CPSF2: variants seen among roughly 807,000 people sequenced by gnomAD.
The protein encoded by CPSF2 is cleavage and polyadenylation specific factor 2.
A neutral mutation model predicts 84.2 loss-of-function variants in CPSF2; 51 were observed. The ratio of observed to expected loss-of-function variants is 0.61; its 90% CI spans 0.48 to 0.77. The LOEUF is 0.77. Ranked by LOEUF, CPSF2 falls within the 30% of genes least tolerant of loss-of-function variation. The pLI is 0.00. For synonymous variants in CPSF2, 286 were observed against 311.9 expected (o/e 0.92, Z 0.87); for missense variants, 641 against 929.4 (o/e 0.69, Z 4.03).
intron 1 of CPSF2, among the ~76,000 whole-genome samples, chr14:92,122,536 C>G (rs1317044332): frequency 1.3e-5 from 2 of 152,252 alleles, no homozygotes; most frequent in African/African-American, 4.8e-5. Flanking sequence ...CACGAGGTTG[C>G]TAAGCTCTGG....
Position 92,161,099 on chromosome 14 carries a change from G to C in CPSF2, c.2122-13G>C, listed in dbSNP as rs2069365495. ...TACTTGAAGTTATTCTTTCCCCTTTGACCTTATCTAAGGTTCCTGGACATC... is the reference window on the plus strand; with the variant it reads ...TACTTGAAGTTATTCTTTCCCCTTTCACCTTATCTAAGGTTCCTGGACATC... On this transcript the variant is annotated splice_polypyrimidine_tract_variant and intron_variant, in intron 14 of 15. Transcript: ENST00000298875. 1 of 1,612,492 alleles carries C rather than the reference G, an allele frequency of 6.2e-7. No homozygotes were observed. Among genetic ancestry groups the C allele is most frequent in the African/African-American group, 1.3e-5 (1 of 74,916 alleles).
Position 92,165,472 on chromosome 14 carries a change from T to C in CPSF2, c.*3728T>C, listed in dbSNP as rs773510753. Reference sequence around the variant, plus strand: ...CCTTTTTAAATTTTAGTCATCATAGTGTGGGTGAAGAAGTGTCTCACTGAG... The same window carrying C: ...CCTTTTTAAATTTTAGTCATCATAGCGTGGGTGAAGAAGTGTCTCACTGAG... On this transcript the variant is annotated 3_prime_UTR_variant, in exon 16 of 16. Coordinates refer to ENST00000298875, the MANE Select transcript of CPSF2 (RefSeq NM_017437.3). 1 of 152,162 alleles carries C rather than the reference T, an allele frequency of 6.6e-6. No homozygotes were observed. Among genetic ancestry groups the C allele is most frequent in the Non-Finnish European group, 1.5e-5 (1 of 68,040 alleles). 9.4% of individuals were successfully genotyped at this position (152,162 alleles called of 1,614,324 possible).
At chr14:92,154,075 A>G in intron 9 of CPSF2, 1 of 196,596 alleles carries the variant, frequency 5.1e-6, no homozygotes, top group Non-Finnish European at 1.0e-5. Flanking sequence ...GGCCTCAAGC[A>G]GTCCTCCCAC....
rs149558858 is a variant in CPSF2, at chr14:92,128,954, A to T, written c.-34-1997A>T. Among the ~76,000 whole-genome samples the T allele has an allele frequency of 3.1e-4, 47 of 152,310 alleles. No individual in the cohort carries two copies. The East Asian group carries it at 8.7e-3, about 28-fold the overall frequency. On this transcript the variant is annotated intron_variant, in intron 2 of 15. Transcript: ENST00000298875. ...TGAGAGGAACAACGGGTCATGTAAA[A>T]GTCCTCAGTGAATGAGGCCAGGTGA... is the stretch of plus-strand genomic sequence containing the variant.
rs1310202456 is a variant in CPSF2 at position 92,134,483 on chromosome 14, G to C, written c.415+128G>C. The C allele has an allele frequency of 1.1e-5, 7 of 633,628 alleles. No homozygotes were observed. The African/African-American group carries it at 1.3e-4, about 12-fold the overall frequency. The allele number at this position is 633,628 out of a possible 1,614,324, so 39.3% of individuals were successfully genotyped here. On this transcript the variant is annotated intron_variant, in intron 5 of 15. Transcript: ENST00000298875. Reference sequence around the variant, plus strand: ...AAGAATAAAAAAGTTAGCACATTCTGCCTTGATACAGAACTCTTAACTTCC... The same window carrying C: ...AAGAATAAAAAAGTTAGCACATTCTCCCTTGATACAGAACTCTTAACTTCC...
intron 9 of CPSF2, among the ~76,000 whole-genome samples, chr14:92,150,672 C>G (rs1384369244): frequency 6.6e-6 from 1 of 152,138 alleles, no homozygotes; most frequent in Non-Finnish European, 1.5e-5. Flanking sequence ...AATCCTCTCA[C>G]CTCCGACTCC....
intron 9 of CPSF2, among the ~76,000 whole-genome samples, chr14:92,147,679 A>G (rs1252304888): frequency 6.6e-6 from 1 of 152,188 alleles, no homozygotes; most frequent in African/African-American, 2.4e-5. Flanking sequence ...TATTAGGCAA[A>G]TGTGAGATGC....
At chr14:92,127,297 G>A (rs1225623267) in intron 2 of CPSF2, among the ~76,000 whole-genome samples, 1 of 152,204 alleles carries the variant, frequency 6.6e-6, no homozygotes, top group East Asian at 1.9e-4. Flanking sequence ...GACTACCTCT[G>A]AGAATGACTC....
intron 14 of CPSF2, among the ~76,000 whole-genome samples, chr14:92,160,285 T>A (rs890265031): frequency 6.6e-6 from 1 of 152,230 alleles, no homozygotes; most frequent in Admixed American, 6.5e-5. Context: ...TCCATTTTTT[T>A]ATGTTATTCA....
rs2069481155 is a variant in CPSF2, at chr14:92,168,590, A to G, written c.*6846A>G. 1 of 152,052 alleles carries G rather than the reference A, an allele frequency of 6.6e-6. No individual in the cohort carries two copies. Among genetic ancestry groups the G allele is most frequent in the Admixed American group, 6.6e-5 (1 of 15,266 alleles). 9.4% of individuals were successfully genotyped at this position (152,052 alleles called of 1,614,324 possible). A position where few individuals can be genotyped will look rare whatever the true frequency, so the allele number is the denominator to read the frequency against. ...AATGGGATTCCAAAGAGCAAAATAG[A>G]AGTTTGGAGAGTTTGAAATCTCTCC... On this transcript the variant is annotated 3_prime_UTR_variant, in exon 16 of 16. Coordinates refer to ENST00000298875, the MANE Select transcript of CPSF2 (RefSeq NM_017437.3).
intron 2 of CPSF2, among the ~76,000 whole-genome samples, chr14:92,128,127 C>T (rs1044350398): frequency 6.6e-6 from 1 of 151,926 alleles, no homozygotes; most frequent in Non-Finnish European, 1.5e-5. Flanking sequence ...CCCAGCTACT[C>T]GGGAGGCTGA....
At position 92,168,300 on chromosome 14, in the gene CPSF2, A is replaced by G. The variant is rs1253123518; in HGVS notation, c.*6556A>G. ...GGAGCGGCTAGAGAAGGAACATTCAAATCTTCCCACGTGGGCAAGTTCCAA... is the reference window on the plus strand; with the variant it reads ...GGAGCGGCTAGAGAAGGAACATTCAGATCTTCCCACGTGGGCAAGTTCCAA... On this transcript the variant is annotated 3_prime_UTR_variant, in exon 16 of 16. Coordinates refer to ENST00000298875, the MANE Select transcript of CPSF2 (RefSeq NM_017437.3). 1 of 151,482 alleles carries G rather than the reference A, an allele frequency of 6.6e-6. No homozygotes were observed. Among genetic ancestry groups the G allele is most frequent in the Non-Finnish European group, 1.5e-5 (1 of 67,910 alleles). 9.4% of individuals were successfully genotyped at this position (151,482 alleles called of 1,614,324 possible). A position where few individuals can be genotyped will look rare whatever the true frequency, so the allele number is the denominator to read the frequency against.
At chr14:92,158,751 C>A (rs2069325926) in intron 13 of CPSF2, among the ~76,000 whole-genome samples, 1 of 152,092 alleles carries the variant, frequency 6.6e-6, no homozygotes, top group South Asian at 2.1e-4. Flanking sequence ...TTTTAATTGC[C>A]ATGTGATTCC....
In CPSF2 at chr14:92,157,843, C is replaced by T; in HGVS notation, c.1780C>T (p.His594Tyr). The change falls in exon 13 of 16, where the codon CAT (histidine) becomes TAT (tyrosine). Residue 594 changes from histidine to tyrosine, a missense_variant. Coordinates refer to ENST00000298875, the MANE Select transcript of CPSF2 (RefSeq NM_017437.3). This position sits in a 1 kb window ranked among gnomAD's most constrained non-coding sequence, Gnocchi z 4.0. ...TATTAAAGTGTACATGCCAAAGCTACATGAAACAGTTGATGCCACTAGTGA... is the reference window on the plus strand; with the variant it reads ...TATTAAAGTGTACATGCCAAAGCTATATGAAACAGTTGATGCCACTAGTGA... Reference protein sequence around the residue: ...KDIKVYMPKLHETVDATSETH... With the variant: ...KDIKVYMPKLYETVDATSETH... The T allele has an allele frequency of 2.5e-6, 4 of 1,614,112 alleles. No individual in the cohort carries two copies. Among genetic ancestry groups the T allele is most frequent in the Non-Finnish European group, 3.4e-6 (4 of 1,179,976 alleles).
rs1046367146 is a variant in CPSF2 at position 92,164,702 on chromosome 14, T to C, written c.*2958T>C. 2 of 152,252 alleles carry C rather than the reference T, an allele frequency of 1.3e-5. No individual in the cohort carries two copies. The highest frequency in any genetic ancestry group is 2.9e-5 in the Non-Finnish European group (2 of 68,044). 9.4% of individuals were successfully genotyped at this position (152,252 alleles called of 1,614,324 possible). A position where few individuals can be genotyped will look rare whatever the true frequency, so the allele number is the denominator to read the frequency against. On this transcript the variant is annotated 3_prime_UTR_variant, in exon 16 of 16. Coordinates refer to ENST00000298875, the MANE Select transcript of CPSF2 (RefSeq NM_017437.3). ...AAACATTTCTATATTTTTAGAAATA[T>C]CTTGGGTGGCCTGAAACAGAAGTGA...
At position 92,142,989 on chromosome 14, in the gene CPSF2, T is replaced by TCC; in HGVS notation, c.850-15_850-14insCC. The stretch of plus-strand genomic sequence containing the variant: ...ATAGTATTTCTAATTCTTGTCATCT[T>TCC]TCCCCCCATGTTAGGTAGAATGGAT... On this transcript the variant is annotated splice_polypyrimidine_tract_variant and intron_variant, in intron 8 of 15. Coordinates refer to ENST00000298875, the MANE Select transcript of CPSF2 (RefSeq NM_017437.3). 1 of 1,578,594 alleles carries TCC rather than the reference T, an allele frequency of 6.3e-7. No individual in the cohort carries two copies. The highest frequency in any genetic ancestry group is 1.1e-5 in the South Asian group (1 of 87,540).
intron 6 of CPSF2, among the ~76,000 whole-genome samples, chr14:92,137,319 C>A (rs187111274): frequency 1.2e-3 from 177 of 152,222 alleles, no homozygotes; most frequent in African/African-American, 4.1e-3. Context: ...AAGCAATCTT[C>A]CCATTTTAGC....
rs2141487240 is a variant in CPSF2 at position 92,163,226 on chromosome 14, T to A, written c.*1482T>A. 1 of 152,280 alleles carries A rather than the reference T, an allele frequency of 6.6e-6. No individual in the cohort carries two copies. The highest frequency in any genetic ancestry group is 1.9e-4 in the East Asian group (1 of 5,182). The allele number at this position is 152,280 out of a possible 1,614,324, so 9.4% of individuals were successfully genotyped here. A position where few individuals can be genotyped will look rare whatever the true frequency, so the allele number is the denominator to read the frequency against. ...GCCTACCCTTAGATTTTTGGAAGGA[T>A]CGATCTTATTTAACTATGTGTGGAA... On this transcript the variant is annotated 3_prime_UTR_variant, in exon 16 of 16. Coordinates refer to ENST00000298875, the MANE Select transcript of CPSF2 (RefSeq NM_017437.3).
chr14:92,136,780 A>T (rs184604978), intron 6 of CPSF2, among the ~76,000 whole-genome samples: 1 of 152,184 alleles, frequency 6.6e-6, no homozygotes. Context: ...CAGCATGGCT[A>T]TTTGAGTAAA....
Sources: gnomAD v4.1 joint callset for allele counts (sites outside exome capture counted in the v4.1 genomes callset) on GRCh38, gnomAD v4.1.1 for gene constraint, Gnocchi (gnomAD v3.1) non-coding constraint, MANE v1.5 for transcripts, NCBI Gene and HGNC (gene_info 2026-07-23, HGNC 2026-07-21) for gene names.